The following MTOR variants were observed in gnomAD, a reference collection of about 807,000 sequenced individuals.
MTOR encodes mechanistic target of rapamycin kinase.
In MTOR, 70 loss-of-function variants were observed where a neutral mutation model predicts 319.8. The ratio of observed to expected loss-of-function variants is 0.22; its 90% CI spans 0.18 to 0.27. MTOR has a LOEUF of 0.27. Ranked by LOEUF, MTOR falls within the 10% of genes least tolerant of loss-of-function variation. The pLI is 1.00. For synonymous variants in MTOR, 1,183 were observed against 1,211.4 expected, an observed-to-expected ratio of 0.98 and a Z score of 0.49; for missense variants, 1,890 against 3,274.4, an observed-to-expected ratio of 0.58 and a Z score of 10.32.
intron 28 of MTOR, among the ~76,000 whole-genome samples, chr1:11,175,040 G>A (rs1644939461): frequency 1.3e-5 from 2 of 152,196 alleles, no homozygotes; most frequent in Admixed American, 1.3e-4. Context: ...CGCCTACTGA[G>A]GCCAAAAGGA....
intron 28 of MTOR, chr1:11,195,978 G>A (rs1306173055): frequency 6.6e-6 from 1 of 151,404 alleles, no homozygotes; most frequent in Non-Finnish European, 1.5e-5. Flanking sequence ...CTTTCAAAAT[G>A]TGAGTATCTT....
At chr1:11,190,878 C>G (rs980224052) in intron 28 of MTOR, among the ~76,000 whole-genome samples, 2 of 152,202 alleles carry the variant, frequency 1.3e-5, no homozygotes, top group African/African-American at 4.8e-5. Flanking sequence ...CTGACTAAGT[C>G]AATGGTTAAC....
rs2100510188 is a variant in MTOR, at chr1:11,145,019, C to A, written c.4713G>T (p.Leu1571=). The part of the protein sequence containing the change: ...QQCIDKARDL[L]DAELTAMAGE... ...CTGCCATCGCAGTTAATTCAGCATC[C>A]AGCAGGTCCCTGGCCTTGTCAATGC... Residue 1571 remains leucine (L), a synonymous_variant, in exon 33 of 58, where the codon CTG becomes CTT. Transcript: ENST00000361445. 6.2e-7 allele frequency: 1 copy of A among 1,614,162 alleles called. No homozygotes were observed. Among genetic ancestry groups the A allele is most frequent in the East Asian group, 2.2e-5 (1 of 44,872 alleles).
chr1:11,144,828 T>C, intron 33 of MTOR, 73 bp from the exon 34 acceptor site: 2 of 1,540,606 alleles, frequency 1.3e-6, no homozygotes, highest in East Asian at 2.3e-5. Context: ...ATTTAAATCA[T>C]TCCTTCTGGT....
intron 2 of MTOR, 103 bp downstream of exon 2, chr1:11,259,145 G>A: frequency 7.0e-7 from 1 of 1,429,630 alleles, no homozygotes; most frequent in East Asian, 2.5e-5. Context: ...AATAATCTCT[G>A]TTTTCCAAAT....
intron 47 of MTOR, among the ~76,000 whole-genome samples, chr1:11,124,280 T>C (rs563469389): frequency 1.4e-4 from 22 of 152,216 alleles, no homozygotes; most frequent in African/African-American, 4.3e-4. Context: ...TGGAGGGCAG[T>C]GGCACAATCA....
chr1:11,210,004 A>T (rs1646258821), intron 24 of MTOR, among the ~76,000 whole-genome samples: 1 of 151,824 alleles, frequency 6.6e-6, no homozygotes, highest in African/African-American at 2.4e-5. Context: ...AATAGTTGGG[A>T]CTACAGGTGC....
Position 11,139,292 on chromosome 1 carries a change from T to G in MTOR, c.5130+12A>C. 1.9e-6 allele frequency: 3 copies of G among 1,596,380 alleles called. No individual in the cohort carries two copies. In the East Asian group the frequency reaches 6.7e-5, roughly 36 times the overall value. On this transcript the variant is annotated intron_variant, in intron 36 of 57. Transcript: ENST00000361445. The stretch of plus-strand genomic sequence containing the variant: ...AGAAGGTGGTCTGTTCTGGATGCAT[T>G]GGGATACAGACCTTGCGGGCACTCT...
At chr1:11,118,444 T>C (rs1446824793) in intron 49 of MTOR, among the ~76,000 whole-genome samples, 2 of 150,908 alleles carry the variant, frequency 1.3e-5, no homozygotes, top group African/African-American at 4.9e-5. Context: ...ACCACGTTGG[T>C]CAGGCTGGTC....
chr1:11,130,867 G>T, intron 38 of MTOR, 90 bp from the exon 39 acceptor site: 1 of 1,455,068 alleles, frequency 6.9e-7, no homozygotes. Context: ...AGGAACAGCT[G>T]CTCCTGCCTG....
intron 30 of MTOR, among the ~76,000 whole-genome samples, chr1:11,155,122 T>A (rs531464861): frequency 1.3e-5 from 2 of 152,294 alleles, no homozygotes; most frequent in South Asian, 4.1e-4. Flanking sequence ...TGTCCAATAT[T>A]CTTAAACTTT....
chr1:11,178,912 C>T (rs1645066590), intron 28 of MTOR, among the ~76,000 whole-genome samples: 1 of 152,228 alleles, frequency 6.6e-6, no homozygotes, highest in Non-Finnish European at 1.5e-5. Context: ...GATCTGGCAG[C>T]TTGTAACTCT....
chr1:11,234,376 G>A (rs1428005023), intron 13 of MTOR, 111 bp from the exon 14 acceptor site: 13 of 1,251,912 alleles, frequency 1.0e-5, no homozygotes, highest in Middle Eastern at 2.0e-4. Flanking sequence ...AGACCTCCAC[G>A]ACAGATGAAG....
At chr1:11,155,897 G>A (rs555787772) in intron 30 of MTOR, among the ~76,000 whole-genome samples, 1 of 152,242 alleles carries the variant, frequency 6.6e-6, no homozygotes, top group South Asian at 2.1e-4. Context: ...TGAAGGAACA[G>A]TGGACCCTCA....
At position 11,128,276 on chromosome 1, in the gene MTOR, C is replaced by T. The variant is rs538440310; in HGVS notation, c.5911-150G>A. On this transcript the variant is annotated intron_variant, in intron 42 of 57. Coordinates refer to ENST00000361445, the MANE Select transcript of MTOR (RefSeq NM_004958.4). This position sits in a 1 kb window ranked among gnomAD's most constrained non-coding sequence, Gnocchi z 5.3. ...GGAAGGGGCTCAGTCTTCGAGGGAA[C>T]GCTTTCTTTTTAGCAAGGCTCCCGG... 48 of 1,342,780 alleles carry T rather than the reference C, an allele frequency of 3.6e-5. No individual in the cohort carries two copies. The highest frequency in any genetic ancestry group is 5.5e-5 in the South Asian group (4 of 72,332). 83.2% of individuals were successfully genotyped at this position (1,342,780 alleles called of 1,614,324 possible).
intron 46 of MTOR, among the ~76,000 whole-genome samples, chr1:11,125,230 G>A (rs561884218): frequency 6.8e-4 from 103 of 152,172 alleles, no homozygotes; most frequent in East Asian, 2.3e-3. Context: ...GTTCATGAGC[G>A]CTCCTTGTTG....
At position 11,127,950 on chromosome 1, in the gene MTOR, G is replaced by A. The variant is rs878971661; in HGVS notation, c.6033+54C>T. On this transcript the variant is annotated intron_variant, in intron 43 of 57. Coordinates refer to ENST00000361445, the MANE Select transcript of MTOR (RefSeq NM_004958.4). The surrounding 1 kb of genome is among the most constrained non-coding windows in gnomAD (Gnocchi z 5.5). ...GAGGAAGAAAAACAATCCCACTTGC[G>A]CCCACCAGCTAAGGGACCAGGGTCT... 1.0e-5 allele frequency: 16 copies of A among 1,606,156 alleles called. No homozygotes were observed. The highest frequency in any genetic ancestry group is 5.5e-5 in the South Asian group (5 of 90,230).
At chr1:11,231,535 TAAG>T in intron 16 of MTOR, 101 bp from the exon 17 acceptor site, 11 of 1,428,682 alleles carry the variant, frequency 7.7e-6, no homozygotes, top group Non-Finnish European at 1.0e-5. Flanking sequence ...TTAGAGGCTG[TAAG>T]AAGAAAAGAG....
intron 28 of MTOR, among the ~76,000 whole-genome samples, chr1:11,174,615 G>A (rs1644925964): frequency 6.6e-6 from 1 of 152,150 alleles, no homozygotes; most frequent in African/African-American, 2.4e-5. Flanking sequence ...GTGATACAAA[G>A]CCGTCCTTTG....
Sources: gnomAD v4.1 joint callset for allele counts (sites outside exome capture counted in the v4.1 genomes callset) on GRCh38, gnomAD v4.1.1 for gene constraint, Gnocchi (gnomAD v3.1) non-coding constraint, MANE v1.5 for transcripts, NCBI Gene and HGNC (gene_info 2026-07-23, HGNC 2026-07-21) for gene names.